Variants in IL1RAPL1 observed in about 807,000 individuals in gnomAD.
IL1RAPL1 encodes the protein interleukin 1 receptor accessory protein like 1.
IL1RAPL1 carries 3 observed loss-of-function variants against 48.4 expected under a neutral mutation model. That is an observed-to-expected ratio of 0.06 (90% CI 0.03 to 0.16). The LOEUF (loss-of-function observed/expected upper bound fraction) is 0.16. IL1RAPL1 is among the 10% of genes least tolerant of loss of function. The probability of loss-of-function intolerance (pLI) is 1.00; values close to 1 mark genes in which losing one functional copy is unlikely to be tolerated. For missense variants in IL1RAPL1, 349 were observed against 530.6 expected, an observed-to-expected ratio of 0.66 and a Z score of 3.36; for synonymous variants, 185 against 187.7, an observed-to-expected ratio of 0.99 and a Z score of 0.12.
rs187305869 is a variant in IL1RAPL1, at chrX:29,358,108, A to G, written c.363-38150A>G. Among the ~76,000 whole-genome samples the G allele has an allele frequency of 2.7e-5, 3 of 111,397 alleles. No homozygotes were observed. In the East Asian group the frequency reaches 8.5e-4, roughly 32 times the overall value. On this transcript the variant is annotated intron_variant, in intron 3 of 10. Transcript: ENST00000378993. Reference sequence around the variant, plus strand: ...CTGGGTTTTATCCTTGCTTTGGGCAAGAGGGGTTCTAGTTTCTATGACTTA... The same window carrying G: ...CTGGGTTTTATCCTTGCTTTGGGCAGGAGGGGTTCTAGTTTCTATGACTTA...
chrX:29,250,104 A>G (rs1324349415), intron 2 of IL1RAPL1, among the ~76,000 whole-genome samples: 2 of 111,857 alleles, frequency 1.8e-5, no homozygotes, highest in Non-Finnish European at 3.8e-5. Flanking sequence ...CTCTAGTTGT[A>G]TGTAGAAACT....
intron 5 of IL1RAPL1, among the ~76,000 whole-genome samples, chrX:29,616,189 T>G (rs896922013): frequency 1.8e-5 from 2 of 111,811 alleles, no homozygotes; most frequent in Admixed American, 1.9e-4. Flanking sequence ...CTGGTTTATT[T>G]CTATAGTATA....
intron 6 of IL1RAPL1, among the ~76,000 whole-genome samples, chrX:29,774,130 C>T (rs890583031): frequency 3.6e-5 from 4 of 110,188 alleles, no homozygotes; most frequent in African/African-American, 6.6e-5. Context: ...CTTCCTCCTT[C>T]CTCTCCGCCA....
chrX:29,821,483 C>T (rs865998592), intron 6 of IL1RAPL1, among the ~76,000 whole-genome samples: 7 of 64,470 alleles, frequency 1.1e-4, no homozygotes, highest in East Asian at 1.2e-3. Flanking sequence ...TAAAATAAAA[C>T]AACAACAACA....
chrX:29,482,665 C>A (rs1044869548), intron 5 of IL1RAPL1, among the ~76,000 whole-genome samples: 3 of 112,065 alleles, frequency 2.7e-5, no homozygotes, highest in Admixed American at 9.5e-5. Context: ...GTGGATAAAG[C>A]ATAGTTCCTG....
At chrX:28,919,743 A>AT (rs1923572354) in intron 2 of IL1RAPL1, among the ~76,000 whole-genome samples, 2 of 112,179 alleles carry the variant, frequency 1.8e-5, no homozygotes, top group Admixed American at 1.9e-4. Flanking sequence ...AATAATATAA[A>AT]TAAAAAATGA....
In IL1RAPL1 at chrX:29,899,122, T is replaced by G. The variant is rs747993392; in HGVS notation, c.779-18342T>G. ...CAGTCTGTCTTAGTATTTATTAGGG[T>G]GTGTGTGTGTGTGTGTGTTTTAATG... On this transcript the variant is annotated intron_variant, in intron 6 of 10. Coordinates refer to ENST00000378993, the MANE Select transcript of IL1RAPL1 (RefSeq NM_014271.4). Among the ~76,000 whole-genome samples the G allele has an allele frequency of 3.1e-4, 34 of 107,979 alleles. No individual in the cohort carries two copies. The Middle Eastern group carries it at 0.024, about 75-fold the overall frequency. The allele number at this position is 107,979 out of a possible 115,157, so 93.8% of individuals were successfully genotyped here.
intron 2 of IL1RAPL1, among the ~76,000 whole-genome samples, chrX:29,061,432 G>T (rs1456224334): frequency 1.8e-5 from 2 of 112,049 alleles, no homozygotes; most frequent in Non-Finnish European, 3.8e-5. Flanking sequence ...TTCTGTCAAT[G>T]AAGAAACTGT....
At position 29,325,882 on chromosome X, in the gene IL1RAPL1, G is replaced by A. The variant is rs768867529; in HGVS notation, c.362+42665G>A. Among the ~76,000 whole-genome samples the A allele has an allele frequency of 3.6e-5, 4 of 111,388 alleles. No individual in the cohort carries two copies. In the East Asian group the frequency reaches 1.1e-3, roughly 32 times the overall value. On this transcript the variant is annotated intron_variant, in intron 3 of 10. Transcript: ENST00000378993. ...CACGTGGTTAAGAGAGGAAGAATGA[G>A]GGAGAAAGAGTGGGGAGGTGCCACA...
chrX:29,062,685 A>T (rs1444429767), intron 2 of IL1RAPL1, among the ~76,000 whole-genome samples: 1 of 111,880 alleles, frequency 8.9e-6, no homozygotes, highest in Non-Finnish European at 1.9e-5. Flanking sequence ...ATATATGTTC[A>T]TCTATTTATT....
At chrX:29,892,488 G>A (rs1314891322) in intron 6 of IL1RAPL1, among the ~76,000 whole-genome samples, 2 of 112,342 alleles carry the variant, frequency 1.8e-5, no homozygotes, top group African/African-American at 6.5e-5. Flanking sequence ...CTGATAAAGA[G>A]GCAAAAAGAT....
intron 6 of IL1RAPL1, among the ~76,000 whole-genome samples, chrX:29,687,164 G>T: frequency 9.0e-6 from 1 of 111,602 alleles, no homozygotes; most frequent in Non-Finnish European, 1.9e-5. Flanking sequence ...CTATCCAAAA[G>T]AAATTGAATC....
intron 2 of IL1RAPL1, among the ~76,000 whole-genome samples, chrX:29,045,602 A>G (rs752149038): frequency 2.8e-4 from 31 of 111,103 alleles, no homozygotes; most frequent in Admixed American, 2.8e-3. Flanking sequence ...AGTAACTAGA[A>G]CTACAGGCAT....
chrX:29,614,980 T>C (rs1326448052), intron 5 of IL1RAPL1, among the ~76,000 whole-genome samples: 1 of 108,213 alleles, frequency 9.2e-6, no homozygotes, highest in African/African-American at 3.4e-5. Context: ...AAAAAAAAAA[T>C]CTTTACAATA....
At chrX:28,740,354 G>A (rs1935892456) in intron 1 of IL1RAPL1, among the ~76,000 whole-genome samples, 1 of 111,843 alleles carries the variant, frequency 8.9e-6, no homozygotes. Flanking sequence ...TTAGCAGAAG[G>A]ATTGGAGATA....
intron 2 of IL1RAPL1, among the ~76,000 whole-genome samples, chrX:29,094,771 C>CAAAAAAAAAA (rs1163805144): frequency 8.5e-4 from 5 of 5,909 alleles, no homozygotes; most frequent in East Asian, 0.011. Context: ...AACTCCATCT[C>CAAAAAAAAAA]AAAAAAAAAA....
intron 6 of IL1RAPL1, among the ~76,000 whole-genome samples, chrX:29,885,668 A>C (rs922445912): frequency 6.5e-5 from 7 of 108,333 alleles, no homozygotes; most frequent in Non-Finnish European, 1.2e-4. Context: ...AAAATAAAAA[A>C]ATCAGCTGAG....
chrX:28,692,284 T>C (rs1243486126), intron 1 of IL1RAPL1, among the ~76,000 whole-genome samples: 1 of 111,074 alleles, frequency 9.0e-6, no homozygotes, highest in Non-Finnish European at 1.9e-5. Flanking sequence ...AATTTAAATA[T>C]GAGATTTAGG....
At chrX:29,247,056 T>C (rs927643559) in intron 2 of IL1RAPL1, among the ~76,000 whole-genome samples, 58 of 112,271 alleles carry the variant, frequency 5.2e-4, no homozygotes, top group African/African-American at 1.7e-3. Flanking sequence ...CTACAACCAA[T>C]GATATATTCA....
Sources: allele counts gnomAD v4.1 joint callset (sites outside exome capture counted in the v4.1 genomes callset), GRCh38; gene constraint gnomAD v4.1.1; transcripts MANE v1.5; gene names NCBI Gene and HGNC (gene_info 2026-07-23, HGNC 2026-07-21).